NTM: variants seen among roughly 807,000 people sequenced by gnomAD.
NTM encodes IgLON family member 2.
A neutral mutation model predicts 42.1 loss-of-function variants in NTM; 13 were observed. That is an observed-to-expected ratio of 0.31 (90% CI 0.20 to 0.49). The LOEUF (loss-of-function observed/expected upper bound fraction) is 0.49. NTM is among the 20% of genes least tolerant of loss of function. NTM has a pLI of 0.99. For missense variants in NTM, 373 were observed against 452.8 expected, an observed-to-expected ratio of 0.82 and a Z score of 1.60; for synonymous variants, 187 against 179.2, an observed-to-expected ratio of 1.04 and a Z score of -0.35.
At chr11:131,391,042 C>T (rs796255885) in intron 1 of NTM, among the ~76,000 whole-genome samples, 8 of 152,144 alleles carry the variant, frequency 5.3e-5, no homozygotes, top group East Asian at 1.9e-4. Context: ...CCTAACCACA[C>T]GGGGCTGCGG....
At chr11:131,972,853 T>C (rs1255274439) in intron 2 of NTM, among the ~76,000 whole-genome samples, 1 of 152,226 alleles carries the variant, frequency 6.6e-6, no homozygotes, top group African/African-American at 2.4e-5. Context: ...TTTGGGCCAC[T>C]GTTGAGTGAA....
At chr11:131,744,393 T>A (rs749753806) in intron 1 of NTM, among the ~76,000 whole-genome samples, 3 of 152,184 alleles carry the variant, frequency 2.0e-5, no homozygotes, top group Non-Finnish European at 2.9e-5. Flanking sequence ...TTATTGTTTG[T>A]AATACAGAAC....
intron 1 of NTM, among the ~76,000 whole-genome samples, chr11:131,422,044 C>A (rs1201774433): frequency 6.6e-6 from 1 of 152,140 alleles, no homozygotes; most frequent in East Asian, 1.9e-4. Flanking sequence ...TTTGCAAGTT[C>A]AAATCTGAGC....
chr11:132,136,064 C>T (rs2067860203), intron 2 of NTM, among the ~76,000 whole-genome samples: 1 of 152,152 alleles, frequency 6.6e-6, no homozygotes, highest in African/African-American at 2.4e-5. Flanking sequence ...CCTGGGGACC[C>T]CTTCCTCTCA....
chr11:132,285,273 C>T (rs2094182086), intron 4 of NTM, among the ~76,000 whole-genome samples: 2 of 152,208 alleles, frequency 1.3e-5, no homozygotes, highest in Admixed American at 6.5e-5. Context: ...ACCTGGTTCT[C>T]ATGCCCACCA....
At chr11:131,411,541 G>T (rs1404173096) in intron 1 of NTM, among the ~76,000 whole-genome samples, 1 of 4,656 alleles carries the variant, frequency 2.1e-4, no homozygotes, top group Non-Finnish European at 3.7e-4. Flanking sequence ...AGGGGGGGCC[G>T]TGTGTGTGTG....
rs144313921 is a variant in NTM at position 132,084,863 on chromosome 11, G to A, written c.168-61419G>A. 2.6e-3 allele frequency among the ~76,000 whole-genome samples: 402 copies of A among 152,202 alleles called. 2 individuals carry two copies. Among genetic ancestry groups the A allele is most frequent in the African/African-American group, 9.1e-3 (379 of 41,544 alleles). ...TTTACCCTTGCATTAGTTTACTATT[G>A]ATGTCAACCCCAATTTATTAAATGA... On this transcript the variant is annotated intron_variant, in intron 2 of 8. Transcript: ENST00000683400.
chr11:132,104,943 A>G (rs145779042), intron 2 of NTM, among the ~76,000 whole-genome samples: 7,581 of 20,164 alleles, frequency 0.38, 1,360 homozygotes, highest in Middle Eastern at 0.48. Flanking sequence ...ATATGTATAT[A>G]TATATATATA....
rs540433809 is a variant in NTM, at chr11:131,595,413, T to G, written c.82+224525T>G. Among the ~76,000 whole-genome samples the G allele has an allele frequency of 3.3e-5, 5 of 152,356 alleles. No homozygotes were observed. The East Asian group carries it at 9.7e-4, about 29-fold the overall frequency. The stretch of plus-strand genomic sequence containing the variant: ...AATTACTGCAAGTGCTCAGCTTATG[T>G]GTCCTCACAAGCTAAATAGTGAAGA... On this transcript the variant is annotated intron_variant, in intron 1 of 8. Transcript: ENST00000683400.
intron 2 of NTM, among the ~76,000 whole-genome samples, chr11:132,026,310 T>C (rs1388600061): frequency 3.3e-5 from 5 of 152,222 alleles, no homozygotes; most frequent in Non-Finnish European, 7.3e-5. Context: ...GCTAAGCAGC[T>C]GTTAAATGCC....
At chr11:131,733,535 C>T (rs993336135) in intron 1 of NTM, among the ~76,000 whole-genome samples, 18 of 125,384 alleles carry the variant, frequency 1.4e-4, no homozygotes, top group East Asian at 4.3e-4. Flanking sequence ...TTCTTTCTTT[C>T]GTTGTTTTTT....
chr11:132,063,257 T>C (rs1056772853), intron 2 of NTM, among the ~76,000 whole-genome samples: 2 of 152,182 alleles, frequency 1.3e-5, no homozygotes, highest in East Asian at 1.9e-4. Context: ...TACCCTTGCA[T>C]TGGAGATTAA....
At chr11:131,974,724 A>T (rs999157259) in intron 2 of NTM, among the ~76,000 whole-genome samples, 1 of 151,564 alleles carries the variant, frequency 6.6e-6, no homozygotes, top group African/African-American at 2.4e-5. Flanking sequence ...CTTGAAAAAT[A>T]TTTTTTTTTC....
At chr11:131,742,386 T>C (rs1227847671) in intron 1 of NTM, among the ~76,000 whole-genome samples, 2 of 152,256 alleles carry the variant, frequency 1.3e-5, no homozygotes, top group Non-Finnish European at 2.9e-5. Flanking sequence ...ATTCATTTTA[T>C]GATCCTTTGG....
intron 2 of NTM, among the ~76,000 whole-genome samples, chr11:131,950,890 T>C (rs2134348591): frequency 6.6e-6 from 1 of 152,330 alleles, no homozygotes; most frequent in South Asian, 2.1e-4. Flanking sequence ...GTCTTAGAAC[T>C]CATCAGGAAC....
At chr11:131,385,810 AT>A (rs1265945152) in intron 1 of NTM, among the ~76,000 whole-genome samples, 4 of 152,200 alleles carry the variant, frequency 2.6e-5, no homozygotes, top group Non-Finnish European at 4.4e-5. Flanking sequence ...GTGAGCTATG[AT>A]TGCACCACCG....
intron 4 of NTM, among the ~76,000 whole-genome samples, chr11:132,257,988 C>G (rs1268556048): frequency 6.6e-6 from 1 of 152,186 alleles, no homozygotes; most frequent in Non-Finnish European, 1.5e-5. Context: ...CCTTCCCCAC[C>G]AGACACATTT....
At chr11:132,119,718 G>A (rs1310991974) in intron 2 of NTM, among the ~76,000 whole-genome samples, 1 of 152,218 alleles carries the variant, frequency 6.6e-6, no homozygotes, top group Admixed American at 6.5e-5. Context: ...CTGCCAAAGA[G>A]CCATATCTGA....
At chr11:131,672,319 G>A (rs1203544109) in intron 1 of NTM, among the ~76,000 whole-genome samples, 1 of 152,222 alleles carries the variant, frequency 6.6e-6, no homozygotes, top group African/African-American at 2.4e-5. Context: ...CTGGGGCCAG[G>A]TGAAGGCAGA....
Sources: allele counts gnomAD v4.1 joint callset (sites outside exome capture counted in the v4.1 genomes callset), GRCh38; gene constraint gnomAD v4.1.1; transcripts MANE v1.5; gene names NCBI Gene and HGNC (gene_info 2026-07-23, HGNC 2026-07-21).